Variants in NAALADL2 observed in about 807,000 individuals in gnomAD.
NAALADL2 encodes the protein inactive N-acetylated-alpha-linked acidic dipeptidase-like protein 2.
A neutral mutation model predicts 87.2 loss-of-function variants in NAALADL2; 76 were observed. The observed-to-expected ratio is 0.87, with a 90% confidence interval of 0.72 to 1.05. The LOEUF (loss-of-function observed/expected upper bound fraction) is 1.05, where lower values mean the gene tolerates loss of function less well. Among genes scored for constraint, NAALADL2 ranks in the 50% least tolerant of loss-of-function variants. The pLI, the probability that NAALADL2 is intolerant of heterozygous loss-of-function variation, is 0.00. For synonymous variants in NAALADL2, 354 were observed against 331.0 expected (o/e 1.07, Z -0.75); for missense variants, 1,089 against 945.8 (o/e 1.15, Z -1.99).
rs1404267519 is a variant in NAALADL2, at chr3:175,361,778, G to C, written c.1090+37453G>C. ...GATTCCGGATATTAGCCCTTTGTCA[G>C]ATGGGTAGATTGTAAAAATGTTCTC... On this transcript the variant is annotated intron_variant, in intron 5 of 13. Transcript: ENST00000454872. Among the ~76,000 whole-genome samples, 6 of 148,356 alleles carry C rather than the reference G, an allele frequency of 4.0e-5. 1 individual carries two copies. The highest frequency in any genetic ancestry group is 9.0e-5 in the Non-Finnish European group (6 of 66,728).
chr3:175,204,815 A>G (rs978345395), intron 2 of NAALADL2, among the ~76,000 whole-genome samples: 6 of 152,158 alleles, frequency 3.9e-5, no homozygotes, highest in Admixed American at 3.3e-4. Context: ...AAAGCAGAGA[A>G]TCAAATCAAG....
intron 10 of NAALADL2, among the ~76,000 whole-genome samples, chr3:175,580,937 C>T (rs950209766): frequency 7.3e-5 from 11 of 151,640 alleles, no homozygotes; most frequent in African/African-American, 2.7e-4. Context: ...ATAGTAGAAA[C>T]TAGAAGTGAG....
At chr3:174,568,238 C>T (rs1714521515) in intron 2 of NAALADL2, among the ~76,000 whole-genome samples, 1 of 151,702 alleles carries the variant, frequency 6.6e-6, no homozygotes, top group Admixed American at 6.6e-5. Flanking sequence ...TAAGTACATA[C>T]ATATTGATTG....
At chr3:175,563,187 G>A (rs77212269) in intron 9 of NAALADL2, among the ~76,000 whole-genome samples, 3,171 of 152,188 alleles carry the variant, frequency 0.021, 129 homozygotes, top group African/African-American at 0.073. Flanking sequence ...TGGTCATACT[G>A]CTAAAGAGAA....
At chr3:174,764,677 A>T (rs574446813) in intron 3 of NAALADL2, among the ~76,000 whole-genome samples, 1 of 152,356 alleles carries the variant, frequency 6.6e-6, no homozygotes, top group East Asian at 1.9e-4. Flanking sequence ...CTATTTGAAG[A>T]TCAAGATTGA....
intron 1 of NAALADL2, among the ~76,000 whole-genome samples, chr3:175,096,233 A>G (rs1183738538): frequency 1.3e-5 from 2 of 152,080 alleles, no homozygotes; most frequent in East Asian, 3.9e-4. Flanking sequence ...TGTAGAATTC[A>G]TACTTCATTT....
chr3:174,586,298 T>TG (rs967238241), intron 2 of NAALADL2, among the ~76,000 whole-genome samples: 1 of 152,090 alleles, frequency 6.6e-6, no homozygotes, highest in Admixed American at 6.6e-5. Context: ...TATACATTAT[T>TG]TTTTTTATTT....
At chr3:174,912,300 T>C (rs1388642868) in intron 1 of NAALADL2, among the ~76,000 whole-genome samples, 1 of 151,644 alleles carries the variant, frequency 6.6e-6, no homozygotes, top group Non-Finnish European at 1.5e-5. Flanking sequence ...CATGGATCCA[T>C]GTTTTAAATT....
At chr3:175,641,931 A>G (rs1729345558) in intron 11 of NAALADL2, among the ~76,000 whole-genome samples, 1 of 152,202 alleles carries the variant, frequency 6.6e-6, no homozygotes, top group Non-Finnish European at 1.5e-5. Context: ...ACTATATGCT[A>G]TAATTTTTTA....
intron 13 of NAALADL2, among the ~76,000 whole-genome samples, chr3:175,780,169 G>A (rs1333766109): frequency 3.3e-5 from 5 of 151,378 alleles, no homozygotes; most frequent in African/African-American, 7.3e-5. Context: ...CCAGGTACTC[G>A]GGAGGCTGAG....
chr3:175,507,177 G>A (rs1174546475), intron 9 of NAALADL2, among the ~76,000 whole-genome samples: 3 of 151,306 alleles, frequency 2.0e-5, no homozygotes, highest in Admixed American at 6.6e-5. Flanking sequence ...TGTAGATACT[G>A]CTCTGTTTCA....
intron 1 of NAALADL2, among the ~76,000 whole-genome samples, chr3:174,532,709 T>C (rs1161547045): frequency 6.6e-6 from 1 of 152,166 alleles, no homozygotes; most frequent in Non-Finnish European, 1.5e-5. Flanking sequence ...CACGTTTCTT[T>C]TTTTCAGCAT....
rs1247481261 is a variant in NAALADL2 at position 175,083,475 on chromosome 3, C to A, written c.44-13315C>A. Among the ~76,000 whole-genome samples the A allele has an allele frequency of 3.9e-5, 6 of 152,262 alleles. No individual in the cohort carries two copies. In the South Asian group the frequency reaches 6.2e-4, roughly 16 times the overall value. ...ATATTAATAACTAGTACTTAAACCA[C>A]ACATTTATAAAATGATTTCATTTAG... On this transcript the variant is annotated intron_variant, in intron 1 of 13. Coordinates refer to ENST00000454872, the MANE Select transcript of NAALADL2 (RefSeq NM_207015.3).
chr3:175,440,451 T>C (rs1353673956), intron 5 of NAALADL2, among the ~76,000 whole-genome samples: 1 of 152,188 alleles, frequency 6.6e-6, no homozygotes, highest in Non-Finnish European at 1.5e-5. Context: ...CGAAATTACA[T>C]TGAATTTGTA....
intron 5 of NAALADL2, among the ~76,000 whole-genome samples, chr3:175,398,601 G>A (rs896826506): frequency 3.3e-5 from 5 of 151,822 alleles, no homozygotes; most frequent in Non-Finnish European, 7.4e-5. Flanking sequence ...CTGCTGAGTT[G>A]AACTACTGTA....
rs1204669003 is a variant in NAALADL2, at chr3:175,809,447, CTAAT to C, written c.*6246_*6249del. 3 of 112,750 alleles carry C rather than the reference CTAAT, an allele frequency of 2.7e-5. No homozygotes were observed. Among genetic ancestry groups the C allele is most frequent in the African/African-American group, 3.9e-5 (1 of 25,816 alleles). 7.0% of individuals were successfully genotyped at this position (112,750 alleles called of 1,614,324 possible). ...ACCCTTTCTAGAACACTGTGCAGGA[CTAAT>C]TTTTTTTTAATAGACATCCAGAAAA... On this transcript the variant is annotated 3_prime_UTR_variant, in exon 14 of 14. Transcript: ENST00000454872.
At chr3:175,146,160 T>A (rs1262066914) in intron 2 of NAALADL2, among the ~76,000 whole-genome samples, 1 of 152,124 alleles carries the variant, frequency 6.6e-6, no homozygotes, top group Non-Finnish European at 1.5e-5. Context: ...TTTTCTTGAA[T>A]TTTAAATTTG....
At chr3:174,556,934 C>T (rs1014936625) in intron 2 of NAALADL2, among the ~76,000 whole-genome samples, 11 of 152,046 alleles carry the variant, frequency 7.2e-5, no homozygotes, top group East Asian at 1.9e-4. Context: ...TATAGAGATG[C>T]GGTCTCACCA....
At chr3:175,560,562 T>C (rs1007893740) in intron 9 of NAALADL2, among the ~76,000 whole-genome samples, 4 of 152,146 alleles carry the variant, frequency 2.6e-5, no homozygotes, top group African/African-American at 9.7e-5. Flanking sequence ...GATGCATCAT[T>C]AGGTTGTTTA....
Sources: gnomAD v4.1 joint callset for allele counts (sites outside exome capture counted in the v4.1 genomes callset) on GRCh38, gnomAD v4.1.1 for gene constraint, MANE v1.5 for transcripts, NCBI Gene and HGNC (gene_info 2026-07-23, HGNC 2026-07-21) for gene names.